PGM2L1: variants seen among roughly 807,000 people sequenced by gnomAD.
PGM2L1 encodes the protein glucose 1,6-bisphosphate synthase.
In PGM2L1, 35 loss-of-function variants were observed where a neutral mutation model predicts 73.4. The observed-to-expected ratio is 0.48, with a 90% CI of 0.36 to 0.63. PGM2L1 has a LOEUF of 0.63. PGM2L1 is among the 30% of genes least tolerant of loss of function. The pLI, the probability that PGM2L1 is intolerant of heterozygous loss-of-function variation, is 0.00. For synonymous variants in PGM2L1, 225 were observed against 253.8 expected, an observed-to-expected ratio of 0.89 and a Z score of 1.08; for missense variants, 570 against 742.0, an observed-to-expected ratio of 0.77 and a Z score of 2.69.
At chr11:74,343,286 C>A in intron 10 of PGM2L1, 37 bp downstream of exon 10, 2 of 1,532,818 alleles carry the variant, frequency 1.3e-6, no homozygotes, top group African/African-American at 1.4e-5. Context: ...TAAAAATTAT[C>A]AATCAAATTT....
intron 1 of PGM2L1, among the ~76,000 whole-genome samples, chr11:74,385,133 T>A (rs1046604385): frequency 6.6e-6 from 1 of 152,236 alleles, no homozygotes; most frequent in Non-Finnish European, 1.5e-5. Context: ...TTTAAATCTA[T>A]ATTTTGTCTG....
At chr11:74,382,140 G>A (rs138088760) in intron 1 of PGM2L1, among the ~76,000 whole-genome samples, 1,679 of 152,220 alleles carry the variant, frequency 0.011, 30 homozygotes, top group African/African-American at 0.039. Context: ...TGTATTTATT[G>A]TTATGGCTTA....
At chr11:74,351,193 T>C (rs1411614679) in intron 6 of PGM2L1, among the ~76,000 whole-genome samples, 190 bp downstream of exon 6, 1 of 152,250 alleles carries the variant, frequency 6.6e-6, no homozygotes. Context: ...ATTGTATGGA[T>C]ATACCACATT....
At chr11:74,357,239 C>T (rs1473440106) in intron 5 of PGM2L1, among the ~76,000 whole-genome samples, 1 of 152,128 alleles carries the variant, frequency 6.6e-6, no homozygotes, top group Non-Finnish European at 1.5e-5. Flanking sequence ...AAATTTTCTG[C>T]TCTGCAAAAG....
rs926079617 is a variant in PGM2L1 at position 74,333,661 on chromosome 11, C to G, written c.*2991G>C. ...GGTAGGTGCATACTCATCATAACAA[C>G]AAATAAACACAAGTAAACAGGTGGG... On this transcript the variant is annotated 3_prime_UTR_variant, in exon 14 of 14. Transcript: ENST00000298198. The G allele has an allele frequency of 6.6e-6, 1 of 152,144 alleles. No individual in the cohort carries two copies. Among genetic ancestry groups the G allele is most frequent in the African/African-American group, 2.4e-5 (1 of 41,430 alleles). 9.4% of individuals were successfully genotyped at this position (152,144 alleles called of 1,614,324 possible). A position where few individuals can be genotyped will look rare whatever the true frequency, so the allele number is the denominator to read the frequency against.
intron 9 of PGM2L1, among the ~76,000 whole-genome samples, chr11:74,344,255 A>G (rs1398997891): frequency 1.3e-5 from 2 of 152,122 alleles, no homozygotes; most frequent in African/African-American, 4.8e-5. Context: ...AGTGCCTATG[A>G]AAGTTGGTGG....
At chr11:74,339,321 C>T (rs78032133) in intron 12 of PGM2L1, among the ~76,000 whole-genome samples, 5,458 of 152,296 alleles carry the variant, frequency 0.036, 108 homozygotes, top group Middle Eastern at 0.085. Flanking sequence ...TGATGTTTTA[C>T]TGACACTAAA....
chr11:74,373,802 T>A (rs1369568748), intron 2 of PGM2L1, among the ~76,000 whole-genome samples: 2 of 152,198 alleles, frequency 1.3e-5, no homozygotes, highest in Non-Finnish European at 2.9e-5. Context: ...ATTAATTGGA[T>A]ATGCTAATAT....
chr11:74,345,333 T>G, intron 9 of PGM2L1, 136 bp downstream of exon 9: 1 of 876,608 alleles, frequency 1.1e-6, no homozygotes, highest in Non-Finnish European at 1.7e-6. Context: ...CAAAAGAGAC[T>G]GAACAAGTGT....
chr11:74,337,854 A>G (rs942551668), intron 13 of PGM2L1, among the ~76,000 whole-genome samples: 2 of 152,338 alleles, frequency 1.3e-5, no homozygotes, highest in African/African-American at 4.8e-5. Context: ...GTTCCTCAAA[A>G]GGTTAAACAC....
chr11:74,381,367 T>C (rs935878192), intron 1 of PGM2L1, among the ~76,000 whole-genome samples: 117 of 152,040 alleles, frequency 7.7e-4, no homozygotes, highest in Admixed American at 7.7e-3. Flanking sequence ...ATTTACCCAT[T>C]AAACAGAGAG....
intron 5 of PGM2L1, chr11:74,355,530 G>A (rs1862431093): frequency 7.3e-6 from 2 of 275,016 alleles, no homozygotes; most frequent in Non-Finnish European, 1.3e-5. Flanking sequence ...CTCCAGCCTG[G>A]GCGACAGAGC....
intron 2 of PGM2L1, among the ~76,000 whole-genome samples, chr11:74,373,280 T>C (rs574894523): frequency 6.6e-6 from 1 of 152,306 alleles, no homozygotes; most frequent in African/African-American, 2.4e-5. Flanking sequence ...AACTAAAGCA[T>C]CTCTGGTTGA....
At chr11:74,382,177 T>C (rs1344848379) in intron 1 of PGM2L1, among the ~76,000 whole-genome samples, 1 of 152,172 alleles carries the variant, frequency 6.6e-6, no homozygotes, top group Non-Finnish European at 1.5e-5. Flanking sequence ...AACTTAATGG[T>C]TTCAATCAAT....
intron 1 of PGM2L1, among the ~76,000 whole-genome samples, chr11:74,386,765 C>T (rs1863024314): frequency 6.6e-6 from 1 of 152,128 alleles, no homozygotes; most frequent in South Asian, 2.1e-4. Context: ...GCATGAGCCA[C>T]CACACCCAGC....
At chr11:74,375,871 T>C (rs1349038931) in intron 1 of PGM2L1, among the ~76,000 whole-genome samples, 1 of 152,156 alleles carries the variant, frequency 6.6e-6, no homozygotes, top group African/African-American at 2.4e-5. Flanking sequence ...TGGAAAAATA[T>C]GAATAACAAT....
chr11:74,375,081 A>T (rs113386230), intron 1 of PGM2L1, among the ~76,000 whole-genome samples: 69 of 152,346 alleles, frequency 4.5e-4, no homozygotes, highest in African/African-American at 1.5e-3. Context: ...CCATCAAAAC[A>T]TGCCTACCAG....
At chr11:74,351,961 C>CA (rs533587978) in intron 5 of PGM2L1, among the ~76,000 whole-genome samples, 3,770 of 134,200 alleles carry the variant, frequency 0.028, 172 homozygotes, top group African/African-American at 0.098. Flanking sequence ...GACTCTGTCT[C>CA]AAAAAAAAAA....
At chr11:74,347,949 G>A (rs1406457128) in intron 6 of PGM2L1, among the ~76,000 whole-genome samples, 3 of 152,142 alleles carry the variant, frequency 2.0e-5, no homozygotes, top group Non-Finnish European at 4.4e-5. Flanking sequence ...TACTCTCCAA[G>A]ATGGTGACTT....
Sources: allele counts gnomAD v4.1 joint callset (sites outside exome capture counted in the v4.1 genomes callset), GRCh38; gene constraint gnomAD v4.1.1; transcripts MANE v1.5; gene names NCBI Gene and HGNC (gene_info 2026-07-23, HGNC 2026-07-21).